Variants in ADGRL3 observed in about 807,000 individuals in gnomAD.
ADGRL3 encodes calcium-independent alpha-latrotoxin receptor 3.
Under a neutral mutation model 153.5 loss-of-function variants are expected in ADGRL3, and 62 were observed. The observed-to-expected ratio is 0.40, with a 90% CI of 0.33 to 0.50. The LOEUF (loss-of-function observed/expected upper bound fraction) is 0.50, where lower values mean the gene tolerates loss of function less well. Ranked by LOEUF, ADGRL3 falls within the 20% of genes least tolerant of loss-of-function variation. The pLI, the probability that ADGRL3 is intolerant of heterozygous loss-of-function variation, is 0.47. For missense variants in ADGRL3, 1,641 were observed against 1,859.4 expected (o/e 0.88, Z 2.16); for synonymous variants, 710 against 672.5 (o/e 1.06, Z -0.86).
intron 25 of ADGRL3, among the ~76,000 whole-genome samples, chr4:62,064,973 A>G (rs571573763): frequency 6.8e-4 from 104 of 152,222 alleles, no homozygotes; most frequent in African/African-American, 2.4e-3. Context: ...ATATGTCTTT[A>G]GAATTAGACG....
At chr4:61,985,954 A>ATATCTGAGGTTGTCCCCTAAAGGT (rs1553902643) in intron 19 of ADGRL3, among the ~76,000 whole-genome samples, 1 of 149,416 alleles carries the variant, frequency 6.7e-6, no homozygotes, top group Non-Finnish European at 1.5e-5. Flanking sequence ...GTCCCTAAAG[A>ATATCTGAGGTTGTCCCCTAAAGGT]TGTCTTAGGG....
chr4:62,026,806 T>C (rs556838943), intron 21 of ADGRL3, among the ~76,000 whole-genome samples: 1 of 151,930 alleles, frequency 6.6e-6, no homozygotes, highest in East Asian at 1.9e-4. Context: ...GCTGCCCTGC[T>C]ACAAAAACAA....
chr4:61,616,166 A>G (rs575519573), intron 5 of ADGRL3, among the ~76,000 whole-genome samples: 1 of 152,338 alleles, frequency 6.6e-6, no homozygotes, highest in Non-Finnish European at 1.5e-5. Context: ...GTTATTTGAT[A>G]GAAATAACTT....
At chr4:61,529,472 C>T (rs1016527030) in intron 4 of ADGRL3, among the ~76,000 whole-genome samples, 1 of 152,170 alleles carries the variant, frequency 6.6e-6, no homozygotes, top group Non-Finnish European at 1.5e-5. Context: ...TCTTCTTTCA[C>T]TCCCAAAGTG....
At chr4:61,510,150 G>T (rs1404572229) in intron 3 of ADGRL3, among the ~76,000 whole-genome samples, 1 of 152,002 alleles carries the variant, frequency 6.6e-6, no homozygotes, top group Non-Finnish European at 1.5e-5. Flanking sequence ...TAAGCTCTCT[G>T]TAATATTAGA....
chr4:61,210,014 G>A (rs1739185155), intron 1 of ADGRL3, among the ~76,000 whole-genome samples: 1 of 151,998 alleles, frequency 6.6e-6, no homozygotes, highest in Admixed American at 6.6e-5. Flanking sequence ...CCCCAAAATT[G>A]CTTTAAAGAC....
chr4:61,992,467 T>C (rs1006939581), intron 19 of ADGRL3, among the ~76,000 whole-genome samples: 2 of 152,092 alleles, frequency 1.3e-5, no homozygotes, highest in Non-Finnish European at 2.9e-5. Context: ...TTAAGGTAGT[T>C]AATAGGAAGA....
At chr4:61,217,710 T>A (rs1743485717) in intron 1 of ADGRL3, among the ~76,000 whole-genome samples, 1 of 152,332 alleles carries the variant, frequency 6.6e-6, no homozygotes, top group Admixed American at 6.5e-5. Flanking sequence ...AGAGTTTAGC[T>A]TTGGAGATAT....
intron 1 of ADGRL3, among the ~76,000 whole-genome samples, chr4:61,297,442 A>G (rs957773607): frequency 2.6e-5 from 4 of 152,172 alleles, no homozygotes; most frequent in African/African-American, 9.7e-5. Flanking sequence ...AACTATGGGA[A>G]AAATAAAGAT....
intron 1 of ADGRL3, among the ~76,000 whole-genome samples, chr4:61,298,549 C>T (rs2094484726): frequency 6.6e-6 from 1 of 152,160 alleles, no homozygotes; most frequent in African/African-American, 2.4e-5. Context: ...CAAAATTTAT[C>T]ATTCACATTC....
intron 8 of ADGRL3, among the ~76,000 whole-genome samples, chr4:61,743,771 C>T (rs2096614127): frequency 6.6e-6 from 1 of 152,200 alleles, no homozygotes; most frequent in African/African-American, 2.4e-5. Flanking sequence ...TCTACAGCTC[C>T]CAGCGTGAGT....
intron 25 of ADGRL3, among the ~76,000 whole-genome samples, chr4:62,051,077 A>G (rs367633726): frequency 5.4e-5 from 8 of 149,350 alleles, no homozygotes; most frequent in Non-Finnish European, 1.0e-4. Context: ...GTGTGTGTGT[A>G]TATATATATA....
intron 13 of ADGRL3, among the ~76,000 whole-genome samples, chr4:61,917,096 G>A (rs1383962943): frequency 6.6e-6 from 1 of 152,034 alleles, no homozygotes; most frequent in African/African-American, 2.4e-5. Flanking sequence ...CTTAACAGAT[G>A]AAAAAATGGA....
At chr4:61,570,942 C>G (rs977967441) in intron 4 of ADGRL3, among the ~76,000 whole-genome samples, 1 of 151,988 alleles carries the variant, frequency 6.6e-6, no homozygotes, top group South Asian at 2.1e-4. Flanking sequence ...AATGAAGAAG[C>G]GGGTAAGCAT....
At chr4:61,812,347 A>G (rs1580948845) in intron 8 of ADGRL3, among the ~76,000 whole-genome samples, 1 of 152,218 alleles carries the variant, frequency 6.6e-6, no homozygotes, top group South Asian at 2.1e-4. Flanking sequence ...AAAGGCAGCT[A>G]CTATCAACAG....
intron 25 of ADGRL3, among the ~76,000 whole-genome samples, chr4:62,051,661 G>C (rs1298264347): frequency 6.6e-6 from 1 of 151,506 alleles, no homozygotes; most frequent in Non-Finnish European, 1.5e-5. Context: ...TTAACCTAAA[G>C]CTCTCATAGA....
chr4:61,479,942 AT>A (rs1240680061), intron 2 of ADGRL3, among the ~76,000 whole-genome samples: 6 of 152,086 alleles, frequency 3.9e-5, no homozygotes, highest in African/African-American at 1.4e-4. Flanking sequence ...TTTTTGATGC[AT>A]GTATGCATTG....
At chr4:61,991,883 A>G (rs1387142743) in intron 19 of ADGRL3, among the ~76,000 whole-genome samples, 1 of 148,072 alleles carries the variant, frequency 6.8e-6, no homozygotes, top group African/African-American at 2.5e-5. Context: ...TAAATATAAT[A>G]CATTATATTT....
At position 61,383,122 on chromosome 4, in the gene ADGRL3, A is replaced by T. The variant is rs2151916902; in HGVS notation, c.-239-2A>T. ...ATTAAATATTTTTTTCTTTTTTTTC[A>T]GAAATGTTTAATTTGGTAAATTGGA... On this transcript the variant is annotated splice_acceptor_variant, in intron 1 of 26. Transcript: ENST00000683033. LOFTEE classifies it low-confidence loss of function (5UTR_SPLICE). 1 of 151,774 alleles carries T rather than the reference A, an allele frequency of 6.6e-6. No individual in the cohort carries two copies. The highest frequency in any genetic ancestry group is 6.6e-5 in the Admixed American group (1 of 15,204). The allele number at this position is 151,774 out of a possible 1,614,324, so 9.4% of individuals were successfully genotyped here. A position where few individuals can be genotyped will look rare whatever the true frequency, so the allele number is the denominator to read the frequency against.
Sources: gnomAD v4.1 joint callset for allele counts (sites outside exome capture counted in the v4.1 genomes callset) on GRCh38, gnomAD v4.1.1 for gene constraint, MANE v1.5 for transcripts, NCBI Gene and HGNC (gene_info 2026-07-23, HGNC 2026-07-21) for gene names.